The following ANKS3 variants were observed in gnomAD, a reference collection of about 807,000 sequenced individuals.
ANKS3 encodes the protein ankyrin repeat and SAM domain-containing protein 3.
In ANKS3, 62 loss-of-function variants were observed where a neutral mutation model predicts 80.7. The observed-to-expected ratio is 0.77, with a 90% CI of 0.63 to 0.95. The LOEUF is 0.95. ANKS3 is among the 40% of genes least tolerant of loss of function. The pLI, the probability that ANKS3 is intolerant of heterozygous loss-of-function variation, is 0.00. For synonymous variants in ANKS3, 489 were observed against 355.3 expected (o/e 1.38, Z -4.23); for missense variants, 1,150 against 883.6 (o/e 1.30, Z -3.82).
At chr16:4,726,889 C>A in intron 4 of ANKS3, 90 bp downstream of exon 4, 2 of 1,600,728 alleles carry the variant, frequency 1.2e-6, no homozygotes, top group South Asian at 2.2e-5. Context: ...CGAGCACACA[C>A]GAACACCGTG....
chr16:4,727,211 G>A (rs1035978828), intron 3 of ANKS3, 34 bp from the exon 4 acceptor site: 3 of 1,606,602 alleles, frequency 1.9e-6, no homozygotes, highest in Non-Finnish European at 2.6e-6. Flanking sequence ...GACATGGCCA[G>A]CCGCCTCGCA....
intron 6 of ANKS3, among the ~76,000 whole-genome samples, chr16:4,717,736 C>G (rs1337517717): frequency 6.6e-6 from 1 of 152,102 alleles, no homozygotes; most frequent in Non-Finnish European, 1.5e-5. Context: ...GCAACCCTGA[C>G]CTCCCCAGCT....
intron 5 of ANKS3, 109 bp downstream of exon 5, chr16:4,726,550 G>A (rs2081362861): frequency 8.3e-7 from 1 of 1,205,194 alleles, no homozygotes; most frequent in Non-Finnish European, 1.2e-6. Context: ...AGCCTCTCGT[G>A]CCGAAGCAGG....
Position 4,697,391 on chromosome 16 carries a change from C to T in ANKS3, c.1836G>A (p.Leu612=), listed in dbSNP as rs1023181277. Residue 612 remains leucine, a synonymous_variant, in exon 16 of 18, where the codon CTG becomes CTA. Coordinates refer to ENST00000304283, the MANE Select transcript of ANKS3 (RefSeq NM_133450.4). ...PADSKGWQAS[L]QAMSLPELSG... is the part of the protein sequence containing the mutation. ...AGAGCTCGGGGAGGCTCATGGCCTG[C>T]AGGGACGCTTGCCAGCCCTTGGAGT... 1.9e-6 allele frequency: 3 copies of T among 1,609,246 alleles called. No individual in the cohort carries two copies. In the Admixed American group the frequency reaches 5.0e-5, roughly 27 times the overall value.
intron 5 of ANKS3, among the ~76,000 whole-genome samples, chr16:4,726,272 G>A (rs573368781): frequency 2.6e-4 from 40 of 152,188 alleles, no homozygotes; most frequent in African/African-American, 6.5e-4. Context: ...CACCACGCCC[G>A]GCCTCATGAC....
chr16:4,713,380 A>G (rs571883448), intron 7 of ANKS3, among the ~76,000 whole-genome samples: 12 of 152,232 alleles, frequency 7.9e-5, no homozygotes, highest in African/African-American at 2.9e-4. Flanking sequence ...TCCAACCACC[A>G]CCTGTTCTCC....
chr16:4,727,096 G>A lies in ANKS3; in HGVS notation c.252C>T (p.Ile84=), dbSNP rs779238364. ...CCCCCGCCTCAAGCAGCAGGTGCAC[G>A]ATTGTGTCGTGGCCAATGTAGGAGG... The part of the protein sequence containing the change: ...MYASYIGHDT[I]VHLLLEAGVS... The change falls in exon 4 of 18, where the codon ATC becomes ATT. Residue 84 remains isoleucine (I), a synonymous_variant. Transcript: ENST00000304283. 28 of 1,614,074 alleles carry A rather than the reference G, an allele frequency of 1.7e-5. No individual in the cohort carries two copies. The highest frequency in any genetic ancestry group is 2.2e-5 in the East Asian group (1 of 44,892).
chr16:4,699,102 G>A lies in ANKS3; in HGVS notation c.1359C>T (p.Leu453=), dbSNP rs766331417. The part of the protein sequence containing the change: ...LQVFEEQDVD[L]RIFLTLTESD... ...TCTCAGTGAGGGTCAGAAAGATGCG[G>A]AGGTCCACGTCCTGCTCCTCAAACA... is the stretch of plus-strand genomic sequence containing the variant. Residue 453 remains leucine (L), a synonymous_variant, in exon 12 of 18, where the codon CTC becomes CTT. Coordinates refer to ENST00000304283, the MANE Select transcript of ANKS3 (RefSeq NM_133450.4). 10 of 1,614,032 alleles carry A rather than the reference G, an allele frequency of 6.2e-6. No individual in the cohort carries two copies. Among genetic ancestry groups the A allele is most frequent in the South Asian group, 1.1e-5 (1 of 91,084 alleles).
chr16:4,697,972 C>A lies in ANKS3; in HGVS notation c.1810+5G>T. 1 of 1,582,836 alleles carries A rather than the reference C, an allele frequency of 6.3e-7. No individual in the cohort carries two copies. ...CCCAGTGCGGAGTCAGGCCACTGCT[C>A]TTACCAGCTGGGGGGACGGCTAGGC... is the stretch of plus-strand genomic sequence containing the variant. On this transcript the variant is annotated splice_donor_5th_base_variant and intron_variant, in intron 15 of 17. Coordinates refer to ENST00000304283, the MANE Select transcript of ANKS3 (RefSeq NM_133450.4).
intron 3 of ANKS3, 74 bp downstream of exon 3, chr16:4,729,906 A>C: frequency 7.5e-7 from 1 of 1,335,630 alleles, no homozygotes; most frequent in South Asian, 2.1e-5. Flanking sequence ...CTGTGTGCAA[A>C]GCCCCATCAC....
chr16:4,716,418 C>T (rs1261976782), intron 6 of ANKS3, among the ~76,000 whole-genome samples: 8 of 150,206 alleles, frequency 5.3e-5, no homozygotes, highest in Non-Finnish European at 8.9e-5. Flanking sequence ...ACCACCCATA[C>T]GGCAACTGTC....
chr16:4,726,956 G>A (rs1251033366), intron 4 of ANKS3, 23 bp downstream of exon 4: 4 of 1,613,310 alleles, frequency 2.5e-6, no homozygotes, highest in East Asian at 2.2e-5. Context: ...AGGTTTCTGG[G>A]CCTGAGTTCC....
chr16:4,718,919 GA>G (rs2080945019), intron 6 of ANKS3, among the ~76,000 whole-genome samples: 1 of 152,202 alleles, frequency 6.6e-6, no homozygotes, highest in African/African-American at 2.4e-5. Flanking sequence ...ATATTTAGGG[GA>G]AAAGGGGCAT....
intron 6 of ANKS3, among the ~76,000 whole-genome samples, chr16:4,719,908 A>G (rs1238985624): frequency 1.3e-5 from 2 of 152,124 alleles, no homozygotes; most frequent in Non-Finnish European, 2.9e-5. Flanking sequence ...TCACGCCTGT[A>G]ATCCCAGCAC....
At chr16:4,732,678 C>CA (rs373806788) in intron 1 of ANKS3, among the ~76,000 whole-genome samples, 5,905 of 69,724 alleles carry the variant, frequency 0.085, 748 homozygotes, top group African/African-American at 0.3. Context: ...AATTCTGTCT[C>CA]AAAAAAAAAA....
intron 7 of ANKS3, among the ~76,000 whole-genome samples, chr16:4,706,451 G>C (rs767152536): frequency 6.6e-6 from 1 of 152,078 alleles, no homozygotes; most frequent in East Asian, 1.9e-4. Context: ...TGGCCAGGCT[G>C]GTCTCGATCT....
At chr16:4,699,540 T>C in intron 11 of ANKS3, 1 of 257,904 alleles carries the variant, frequency 3.9e-6, no homozygotes, top group South Asian at 5.3e-5. Flanking sequence ...ATGTTCTGAT[T>C]TCCACTTGTC....
chr16:4,709,897 G>A lies in ANKS3; in HGVS notation c.709+4154C>T, dbSNP rs192017673. Among the ~76,000 whole-genome samples the A allele has an allele frequency of 1.4e-4, 22 of 152,094 alleles. No homozygotes were observed. The East Asian group carries it at 4.1e-3, about 28-fold the overall frequency. ...GTGGTGGTAGGTGCCTGTAGTGCCA[G>A]CTACTCGGGAGGCTGAGATAGGAGG... On this transcript the variant is annotated intron_variant, in intron 7 of 17. Transcript: ENST00000304283.
At chr16:4,730,863 C>CA (rs770842141) in intron 2 of ANKS3, among the ~76,000 whole-genome samples, 3,407 of 143,930 alleles carry the variant, frequency 0.024, 56 homozygotes, top group Non-Finnish European at 0.035. Flanking sequence ...AAAAACAAAA[C>CA]AAAAAAAAAA....
Sources: allele counts gnomAD v4.1 joint callset (sites outside exome capture counted in the v4.1 genomes callset), GRCh38; gene constraint gnomAD v4.1.1; transcripts MANE v1.5; gene names NCBI Gene and HGNC (gene_info 2026-07-23, HGNC 2026-07-21).